The following NXPE3 variants were observed in gnomAD, a reference collection of about 807,000 sequenced individuals.
The protein encoded by NXPE3 is NXPE family member 3.
In NXPE3, 26 loss-of-function variants were observed where a neutral mutation model predicts 46.1. The ratio of observed to expected loss-of-function variants is 0.56; its 90% confidence interval spans 0.41 to 0.78. The LOEUF is 0.78. Among genes scored for constraint, NXPE3 ranks in the 30% least tolerant of loss-of-function variants. NXPE3 has a pLI of 0.00. For missense variants in NXPE3, 620 were observed against 686.0 expected (o/e 0.90, Z 1.07); for synonymous variants, 272 against 257.9 (o/e 1.05, Z -0.52).
At position 101,791,520 on chromosome 3, in the gene NXPE3, C is replaced by G. The variant is rs541732683; in HGVS notation, c.93+5831C>G. Reference sequence around the variant, plus strand: ...CCTGCCTCAGCCTCCCAAGTAACTGCGATTACAGATGTCCACCACCACGTC... The same window carrying G: ...CCTGCCTCAGCCTCCCAAGTAACTGGGATTACAGATGTCCACCACCACGTC... On this transcript the variant is annotated intron_variant, in intron 4 of 7. Coordinates refer to ENST00000273347, the MANE Select transcript of NXPE3 (RefSeq NM_145037.4). Among the ~76,000 whole-genome samples, 5 of 152,042 alleles carry G rather than the reference C, an allele frequency of 3.3e-5. No individual in the cohort carries two copies. In the South Asian group the frequency reaches 6.2e-4, roughly 19 times the overall value.
intron 1 of NXPE3, 68 bp downstream of exon 1, chr3:101,779,392 C>T (rs527415440): frequency 6.5e-6 from 1 of 152,706 alleles, no homozygotes; most frequent in East Asian, 1.9e-4. Flanking sequence ...GACCCATTGC[C>T]CGGCTCTGCC....
At position 101,780,448 on chromosome 3, in the gene NXPE3, A is replaced by G. The variant is rs556426261; in HGVS notation, c.-498+1124A>G. On this transcript the variant is annotated intron_variant, in intron 1 of 7. Coordinates refer to ENST00000273347, the MANE Select transcript of NXPE3 (RefSeq NM_145037.4). Reference sequence around the variant, plus strand: ...TCCTGACCTGACAATTTAAGTTACAATTCAAACATCATTTTGGAAAGGCCA... The same window carrying G: ...TCCTGACCTGACAATTTAAGTTACAGTTCAAACATCATTTTGGAAAGGCCA... 3.9e-5 allele frequency among the ~76,000 whole-genome samples: 6 copies of G among 152,338 alleles called. No homozygotes were observed. The South Asian group carries it at 1.2e-3, about 32-fold the overall frequency.
At position 101,826,817 on chromosome 3, in the gene NXPE3, T is replaced by G. The variant is rs775128323; in HGVS notation, c.*4863T>G. 6.6e-6 allele frequency: 1 copy of G among 152,250 alleles called. No homozygotes were observed. Among genetic ancestry groups the G allele is most frequent in the Non-Finnish European group, 1.5e-5 (1 of 68,070 alleles). 9.4% of individuals were successfully genotyped at this position (152,250 alleles called of 1,614,324 possible). A position where few individuals can be genotyped will look rare whatever the true frequency, so the allele number is the denominator to read the frequency against. Reference sequence around the variant, plus strand: ...GGGAGGCCGAGGTGGGCGGATCACCTGAGGTCAAGAGTTCAAGACCAGCCT... The same window carrying G: ...GGGAGGCCGAGGTGGGCGGATCACCGGAGGTCAAGAGTTCAAGACCAGCCT... On this transcript the variant is annotated 3_prime_UTR_variant, in exon 8 of 8. Transcript: ENST00000273347.
chr3:101,822,106 A>C lies in NXPE3; in HGVS notation c.*152A>C. On this transcript the variant is annotated 3_prime_UTR_variant, in exon 8 of 8. Coordinates refer to ENST00000273347, the MANE Select transcript of NXPE3 (RefSeq NM_145037.4). ...TAATATGATGACTTATAAGGAGCTT[A>C]GAAAATGCAGGTTACATTTATATCT... The C allele has an allele frequency of 1.5e-6, 1 of 659,942 alleles. No homozygotes were observed. The highest frequency in any genetic ancestry group is 2.5e-6 in the Non-Finnish European group (1 of 392,522). 40.9% of individuals were successfully genotyped at this position (659,942 alleles called of 1,614,324 possible). A position where few individuals can be genotyped will look rare whatever the true frequency, so the allele number is the denominator to read the frequency against.
At chr3:101,795,378 C>T (rs1208816747) in intron 4 of NXPE3, among the ~76,000 whole-genome samples, 3 of 152,004 alleles carry the variant, frequency 2.0e-5, no homozygotes, top group Non-Finnish European at 4.4e-5. Context: ...AAAAGCTGGG[C>T]GTGGTAGCGG....
rs1280147090 is a variant in NXPE3, at chr3:101,825,312, A to G, written c.*3358A>G. On this transcript the variant is annotated 3_prime_UTR_variant, in exon 8 of 8. Transcript: ENST00000273347. ...TGTGGAAATTTTGATAGAGATTCCA[A>G]TATCACTTAAACGTTTCCCAGAATA... 2 of 152,230 alleles carry G rather than the reference A, an allele frequency of 1.3e-5. No individual in the cohort carries two copies. The highest frequency in any genetic ancestry group is 2.4e-5 in the African/African-American group (1 of 41,458). 9.4% of individuals were successfully genotyped at this position (152,230 alleles called of 1,614,324 possible).
At chr3:101,781,195 A>G (rs956649041) in intron 1 of NXPE3, among the ~76,000 whole-genome samples, 6 of 152,250 alleles carry the variant, frequency 3.9e-5, no homozygotes, top group South Asian at 2.1e-4. Context: ...TGACTAGTAC[A>G]GTTACATTTA....
intron 6 of NXPE3, among the ~76,000 whole-genome samples, chr3:101,809,837 G>A (rs1304470661): frequency 6.6e-6 from 1 of 151,866 alleles, no homozygotes; most frequent in African/African-American, 2.4e-5. Context: ...TGTTTGTTTT[G>A]AGCACTTCCT....
intron 4 of NXPE3, among the ~76,000 whole-genome samples, chr3:101,794,419 G>A (rs1207632054): frequency 6.6e-6 from 1 of 152,194 alleles, no homozygotes; most frequent in Non-Finnish European, 1.5e-5. Context: ...TTTGCTTAGA[G>A]GGTAGGACAT....
chr3:101,816,525 G>C (rs1941979182), intron 6 of NXPE3, among the ~76,000 whole-genome samples: 1 of 151,858 alleles, frequency 6.6e-6, no homozygotes, highest in South Asian at 2.1e-4. Flanking sequence ...TGTGGTGTTT[G>C]GTTTTCTGTT....
chr3:101,813,377 C>T (rs1343749528), intron 6 of NXPE3, among the ~76,000 whole-genome samples: 1 of 151,824 alleles, frequency 6.6e-6, no homozygotes, highest in Non-Finnish European at 1.5e-5. Context: ...CCTCAATTCA[C>T]GTTGTGTCCT....
chr3:101,812,123 G>A (rs1221152009), intron 6 of NXPE3, among the ~76,000 whole-genome samples: 4 of 152,076 alleles, frequency 2.6e-5, no homozygotes, highest in African/African-American at 9.7e-5. Flanking sequence ...AACGAAACTA[G>A]TCATTTTGTG....
At chr3:101,792,778 A>G (rs1288331045) in intron 4 of NXPE3, among the ~76,000 whole-genome samples, 2 of 152,148 alleles carry the variant, frequency 1.3e-5, no homozygotes, top group Non-Finnish European at 2.9e-5. Context: ...ATTTTAAAAT[A>G]GTTTTTTTCT....
At chr3:101,801,190 A>T in intron 4 of NXPE3, 45 bp from the exon 5 acceptor site, 1 of 1,537,894 alleles carries the variant, frequency 6.5e-7, no homozygotes, top group Non-Finnish European at 8.8e-7. Flanking sequence ...AAATACAGAG[A>T]CCTATTATAG....
chr3:101,785,723 G>A (rs1286365910), intron 4 of NXPE3, 34 bp downstream of exon 4: 3 of 1,575,798 alleles, frequency 1.9e-6, no homozygotes, highest in African/African-American at 2.7e-5. Flanking sequence ...ATAACTAAGG[G>A]AGCCGAGTCT....
chr3:101,789,595 C>G (rs1940387033), intron 4 of NXPE3, among the ~76,000 whole-genome samples: 1 of 152,172 alleles, frequency 6.6e-6, no homozygotes, highest in East Asian at 1.9e-4. Context: ...ATATACTGCT[C>G]TAATGTATAC....
intron 4 of NXPE3, among the ~76,000 whole-genome samples, chr3:101,797,050 G>A (rs1319365568): frequency 6.6e-6 from 1 of 152,054 alleles, no homozygotes; most frequent in African/African-American, 2.4e-5. Flanking sequence ...CTCAGGTTAG[G>A]TATATAACTT....
intron 6 of NXPE3, among the ~76,000 whole-genome samples, chr3:101,812,811 CAAAAAAAAAAAA>C (rs57029374): frequency 0.015 from 863 of 58,712 alleles, 20 homozygotes; most frequent in African/African-American, 0.054. Context: ...GACTCCGTCT[CAAAAAAAAAAAA>C]AAAAAAAAAA....
chr3:101,783,562 G>T (rs1180588626), intron 3 of NXPE3, among the ~76,000 whole-genome samples: 1 of 152,172 alleles, frequency 6.6e-6, no homozygotes. Context: ...TGGTCCTGTA[G>T]TTCTTTTGCT....
Sources: allele counts gnomAD v4.1 joint callset (sites outside exome capture counted in the v4.1 genomes callset), GRCh38; gene constraint gnomAD v4.1.1; transcripts MANE v1.5; gene names NCBI Gene and HGNC (gene_info 2026-07-23, HGNC 2026-07-21).